IGF2BP1: variants seen among roughly 807,000 people sequenced by gnomAD.
The protein encoded by IGF2BP1 is insulin like growth factor 2 mRNA binding protein 1, also known as insulin-like growth factor 2 mRNA-binding protein 1.
In IGF2BP1, 11 loss-of-function variants were observed where a neutral mutation model predicts 74.9. The observed-to-expected ratio is 0.15, with a 90% CI of 0.09 to 0.24. The LOEUF is 0.24. Among genes scored for constraint, IGF2BP1 ranks in the 10% least tolerant of loss-of-function variants. The pLI, the probability that IGF2BP1 is intolerant of heterozygous loss-of-function variation, is 1.00. For synonymous variants in IGF2BP1, 287 were observed against 281.8 expected (o/e 1.02, Z -0.18); for missense variants, 440 against 757.4 (o/e 0.58, Z 4.92).
intron 2 of IGF2BP1, among the ~76,000 whole-genome samples, chr17:49,023,936 T>A (rs2041821360): frequency 1.3e-5 from 2 of 150,262 alleles, no homozygotes; most frequent in South Asian, 2.1e-4. Context: ...TTTTTTTTTT[T>A]AAACAAGTCT....
intron 9 of IGF2BP1, 84 bp from the exon 10 acceptor site, chr17:49,043,344 G>A: frequency 6.6e-7 from 1 of 1,521,156 alleles, no homozygotes; most frequent in Non-Finnish European, 9.0e-7. Context: ...TGCCTCTGGG[G>A]CTACTCGCCT....
At chr17:49,032,552 C>T (rs936271558) in intron 5 of IGF2BP1, among the ~76,000 whole-genome samples, 56 of 152,178 alleles carry the variant, frequency 3.7e-4, no homozygotes, top group African/African-American at 1.2e-3. Context: ...ATACATTTTG[C>T]GCATTACTCA....
chr17:49,007,282 T>A (rs1050292619), intron 2 of IGF2BP1, among the ~76,000 whole-genome samples: 6 of 152,320 alleles, frequency 3.9e-5, no homozygotes, highest in African/African-American at 1.4e-4. Context: ...CATTGTTCCC[T>A]ACTTCTTCTG....
At chr17:49,034,103 C>CAT (rs2041954511) in intron 5 of IGF2BP1, among the ~76,000 whole-genome samples, 6 of 141,938 alleles carry the variant, frequency 4.2e-5, no homozygotes, top group African/African-American at 1.6e-4. Context: ...AGAATTATAT[C>CAT]ATGATTTGCC....
intron 5 of IGF2BP1, among the ~76,000 whole-genome samples, chr17:49,032,350 T>C (rs2041933067): frequency 6.6e-6 from 1 of 152,056 alleles, no homozygotes; most frequent in South Asian, 2.1e-4. Flanking sequence ...CATCTAGTGA[T>C]AATGAGGGGG....
chr17:49,014,120 CCGTT>C (rs1230936104), intron 2 of IGF2BP1: 5 of 152,834 alleles, frequency 3.3e-5, no homozygotes, highest in African/African-American at 1.2e-4. Flanking sequence ...TCTCAATTGC[CCGTT>C]CACGAGGGCG....
At chr17:49,028,492 C>T (rs1194935292) in intron 4 of IGF2BP1, among the ~76,000 whole-genome samples, 1 of 152,188 alleles carries the variant, frequency 6.6e-6, no homozygotes, top group East Asian at 1.9e-4. Flanking sequence ...ATAACTACTG[C>T]CCAGTACTGT....
At chr17:49,031,801 C>A in intron 4 of IGF2BP1, 109 bp from the exon 5 acceptor site, 1 of 984,050 alleles carries the variant, frequency 1.0e-6, no homozygotes, top group Non-Finnish European at 1.6e-6. Context: ...CCGTGTCTGG[C>A]CTGCCAGATG....
At chr17:49,025,553 T>C in intron 2 of IGF2BP1, 65 bp from the exon 3 acceptor site, 1 of 1,379,022 alleles carries the variant, frequency 7.3e-7, no homozygotes, top group Non-Finnish European at 1.0e-6. Flanking sequence ...GATTAGAAAC[T>C]GCGAGTTCAC....
In IGF2BP1 at chr17:49,038,219, C is replaced by T. The variant is rs761686444; in HGVS notation, c.453C>T (p.Val151=). Residue 151 remains valine, a synonymous_variant, in exon 6 of 15, where the codon GTC becomes GTT. Transcript: ENST00000290341. ...GHQLENHALK[V]SYIPDEQIAQ... is the part of the protein sequence containing the mutation. Reference sequence around the variant, plus strand: ...AGTTGGAGAACCATGCCCTGAAGGTCTCCTACATCCCCGATGAGCAGATAG... The same window carrying T: ...AGTTGGAGAACCATGCCCTGAAGGTTTCCTACATCCCCGATGAGCAGATAG... The T allele has an allele frequency of 4.5e-6, 7 of 1,555,148 alleles. No individual in the cohort carries two copies. Among genetic ancestry groups the T allele is most frequent in the Non-Finnish European group, 5.2e-6 (6 of 1,148,228 alleles).
intron 13 of IGF2BP1, 91 bp from the exon 14 acceptor site, chr17:49,046,169 A>T (rs902196115): frequency 1.7e-5 from 25 of 1,441,486 alleles, no homozygotes; most frequent in Non-Finnish European, 2.4e-5. Context: ...TGACTCTTCC[A>T]GGTTCTCCCC....
At chr17:49,045,171 C>T in intron 12 of IGF2BP1, 106 bp downstream of exon 12, 1 of 859,014 alleles carries the variant, frequency 1.2e-6, no homozygotes, top group Non-Finnish European at 1.9e-6. Flanking sequence ...GCTGTCAAGT[C>T]CTCATCACAT....
Position 49,038,371 on chromosome 17 carries a change from T to A in IGF2BP1, c.605T>A (p.Val202Glu). 6.2e-7 allele frequency: 1 copy of A among 1,603,096 alleles called. No homozygotes were observed. The highest frequency in any genetic ancestry group is 8.5e-7 in the Non-Finnish European group (1 of 1,174,990). Reference sequence around the variant, plus strand: ...GTGGACATCCCCCTTCGGCTCCTGGTGCCCACCCAGTATGTGGGTGCCATT... The same window carrying A: ...GTGGACATCCCCCTTCGGCTCCTGGAGCCCACCCAGTATGTGGGTGCCATT... ...QQVDIPLRLL[V>E]PTQYVGAIIG... Residue 202 changes from valine to glutamate, a missense_variant, in exon 6 of 15, where the codon GTG becomes GAG. This residue lies in a region of IGF2BP1 where 184 missense variants were observed against 273.4 expected (regional missense o/e 0.67). Coordinates refer to ENST00000290341, the MANE Select transcript of IGF2BP1 (RefSeq NM_006546.4).
intron 2 of IGF2BP1, among the ~76,000 whole-genome samples, chr17:49,010,584 G>C (rs935792153): frequency 6.6e-5 from 10 of 152,128 alleles, no homozygotes; most frequent in Non-Finnish European, 1.5e-4. Flanking sequence ...CCAAAGTGCA[G>C]TCACCTCTTC....
chr17:49,031,211 G>T (rs1389663595), intron 4 of IGF2BP1, among the ~76,000 whole-genome samples: 1 of 152,102 alleles, frequency 6.6e-6, no homozygotes, highest in Non-Finnish European at 1.5e-5. Context: ...AGGTTCAAGC[G>T]ATCCTCCCAC....
chr17:48,999,103 C>G lies in IGF2BP1; in HGVS notation c.176-6C>G. The G allele has an allele frequency of 1.4e-6, 2 of 1,394,300 alleles. No homozygotes were observed. The highest frequency in any genetic ancestry group is 9.8e-7 in the Non-Finnish European group (1 of 1,022,850). The allele number at this position is 1,394,300 out of a possible 1,614,324, so 86.4% of individuals were successfully genotyped here. ...CTCATGGTAATTTTTTTTTTTTAAT[C>G]TTTAGGGAAAGTAGAATTACAAGGA... On this transcript the variant is annotated splice_region_variant and splice_polypyrimidine_tract_variant and intron_variant, in intron 1 of 14. Coordinates refer to ENST00000290341, the MANE Select transcript of IGF2BP1 (RefSeq NM_006546.4).
chr17:49,014,890 G>T (rs11079850), intron 2 of IGF2BP1: 543,202 of 984,646 alleles, frequency 0.55, 152,407 homozygotes, highest in African/African-American at 0.78. Flanking sequence ...TTCCTCTCCT[G>T]GCTCCTGAGA....
chr17:48,999,197 TGGGGGGGCCGC>T, intron 2 of IGF2BP1, 28 bp downstream of exon 2: 12 of 307,698 alleles, frequency 3.9e-5, no homozygotes, highest in East Asian at 8.3e-5. Context: ...TCGGGGGGGG[TGGGGGGGCCGC>T]GGGGGTGTGC....
At chr17:49,021,760 GT>G (rs1234537078) in intron 2 of IGF2BP1, among the ~76,000 whole-genome samples, 1 of 152,224 alleles carries the variant, frequency 6.6e-6, no homozygotes, top group Non-Finnish European at 1.5e-5. Context: ...CTGTTCATCG[GT>G]TTAGGCAATC....
Sources: gnomAD v4.1 joint callset for allele counts (sites outside exome capture counted in the v4.1 genomes callset) on GRCh38, gnomAD v4.1.1 for gene constraint, gnomAD v4.1.1 regional missense constraint, MANE v1.5 for transcripts, NCBI Gene and HGNC (gene_info 2026-07-23, HGNC 2026-07-21) for gene names.